The following LYRM4 variants were observed in gnomAD, a reference collection of about 807,000 sequenced individuals.
LYRM4 encodes LYR motif-containing protein 4.
Under a neutral mutation model 11.7 loss-of-function variants are expected in LYRM4, and 9 were observed. The observed-to-expected ratio is 0.77, with a 90% CI of 0.46 to 1.34. The LOEUF is 1.34. Among genes scored for constraint, LYRM4 ranks in the 40% most tolerant of loss-of-function variants. The pLI is 0.00. For synonymous variants in LYRM4, 42 were observed against 40.4 expected (o/e 1.04, Z -0.15); for missense variants, 133 against 112.5 (o/e 1.18, Z -0.82).
At chr6:5,138,085 G>T (rs1027845919) in intron 2 of LYRM4, among the ~76,000 whole-genome samples, 1 of 152,122 alleles carries the variant, frequency 6.6e-6, no homozygotes, top group Non-Finnish European at 1.5e-5. Flanking sequence ...AGGTCAAAAA[G>T]GATTCTATAA....
chr6:5,255,500 C>A lies in LYRM4; in HGVS notation c.86+5148G>T, dbSNP rs112849053. Among the ~76,000 whole-genome samples the A allele has an allele frequency of 4.5e-3, 684 of 151,242 alleles. 2 individuals carry two copies. The highest frequency in any genetic ancestry group is 0.015 in the African/African-American group (637 of 41,222). The stretch of plus-strand genomic sequence containing the variant: ...ACTTTAAAATAGGTGTTTTTAAAAG[C>A]TTTTTTTTTCTAATATGATAAATGC... On this transcript the variant is annotated intron_variant, in intron 1 of 2. Coordinates refer to ENST00000330636, the MANE Select transcript of LYRM4 (RefSeq NM_020408.6).
chr6:5,125,764 G>C (rs747571544), intron 2 of LYRM4, among the ~76,000 whole-genome samples: 32 of 152,210 alleles, frequency 2.1e-4, no homozygotes, highest in Non-Finnish European at 8.8e-5. Flanking sequence ...AACCTTGAAG[G>C]CTTTGATGAT....
chr6:5,136,240 G>A (rs532547182), intron 2 of LYRM4: 1 of 960,074 alleles, frequency 1.0e-6, no homozygotes, highest in Non-Finnish European at 1.2e-6. Flanking sequence ...CAGTTCTCTG[G>A]GGTATATACT....
the LYRM4 span, among the ~76,000 whole-genome samples, chr6:5,091,330 G>A: frequency 3.3e-5 from 5 of 152,190 alleles, no homozygotes; most frequent in Admixed American, 6.5e-5. Flanking sequence ...GGGACACACT[G>A]TTTTTTGCTT....
At chr6:5,107,506 C>T (rs1762697046), downstream of LYRM4, 1 of 152,248 alleles carries the variant, frequency 6.6e-6, no homozygotes, top group Admixed American at 6.5e-5. Context: ...AAACCTGAGC[C>T]AGAGCCACAC....
intron 2 of LYRM4, among the ~76,000 whole-genome samples, chr6:5,122,656 T>C (rs745352631): frequency 3.9e-5 from 6 of 152,200 alleles, no homozygotes; most frequent in Non-Finnish European, 7.3e-5. Flanking sequence ...AAGTTTCTCT[T>C]GGACAGTCCC....
At chr6:5,214,905 T>C (rs2127721688) in intron 2 of LYRM4, among the ~76,000 whole-genome samples, 1 of 151,680 alleles carries the variant, frequency 6.6e-6, no homozygotes, top group Admixed American at 6.7e-5. Flanking sequence ...GGTCGCCGTG[T>C]GTATTCTCCA....
At chr6:5,253,634 C>T (rs566393992) in intron 1 of LYRM4, among the ~76,000 whole-genome samples, 10 of 152,088 alleles carry the variant, frequency 6.6e-5, no homozygotes, top group African/African-American at 2.2e-4. Context: ...GCAAAGGAGA[C>T]GAGAGCCTTG....
chr6:5,181,904 A>G (rs1292098490), intron 2 of LYRM4, among the ~76,000 whole-genome samples: 1 of 152,132 alleles, frequency 6.6e-6, no homozygotes, highest in Non-Finnish European at 1.5e-5. Flanking sequence ...TAGAAGACAC[A>G]ATGCTAGCAT....
chr6:5,144,064 T>C (rs1325289161), intron 2 of LYRM4: 4 of 1,472,918 alleles, frequency 2.7e-6, no homozygotes, highest in East Asian at 2.5e-5. Flanking sequence ...AGCTGCTTCA[T>C]ACTCCAGAAA....
At chr6:5,065,845 T>G in the LYRM4 span, 3 of 292,746 alleles carry the variant, frequency 1.0e-5, no homozygotes, top group African/African-American at 6.7e-5. Flanking sequence ...GCACAATCTT[T>G]GGAACACTAT....
intron 1 of LYRM4, 129 bp downstream of exon 1, chr6:5,260,519 G>A (rs990094468): frequency 4.7e-6 from 6 of 1,273,410 alleles, no homozygotes; most frequent in African/African-American, 1.5e-5. Flanking sequence ...GGCGGAGCCC[G>A]GTCCTTGCCT....
chr6:5,132,546 C>T (rs952733022), intron 2 of LYRM4, among the ~76,000 whole-genome samples: 2 of 152,208 alleles, frequency 1.3e-5, no homozygotes, highest in African/African-American at 4.8e-5. Flanking sequence ...CTACAAAAGG[C>T]TGAGAGTGAA....
chr6:5,154,509 T>A (rs1758274005), intron 2 of LYRM4, among the ~76,000 whole-genome samples: 1 of 152,034 alleles, frequency 6.6e-6, no homozygotes, highest in Admixed American at 6.5e-5. Context: ...CAACACCTCA[T>A]ACAGATTAAA....
At chr6:5,192,139 T>C (rs1760791305) in intron 2 of LYRM4, among the ~76,000 whole-genome samples, 1 of 152,164 alleles carries the variant, frequency 6.6e-6, no homozygotes, top group South Asian at 2.1e-4. Context: ...GGCAGTGGGC[T>C]TATAATCCAC....
chr6:5,229,351 A>C (rs115382122), intron 1 of LYRM4, among the ~76,000 whole-genome samples: 4,099 of 152,292 alleles, frequency 0.027, 89 homozygotes, highest in Non-Finnish European at 0.043. Context: ...TGGTGGTACC[A>C]ATTTGCCAAA....
chr6:5,158,991 A>C (rs2746242), intron 2 of LYRM4, among the ~76,000 whole-genome samples: 9,242 of 152,286 alleles, frequency 0.061, 447 homozygotes, highest in African/African-American at 0.12. Flanking sequence ...CAGGTTCTGA[A>C]GGTGGACCTC....
chr6:5,031,863 A>G, the LYRM4 span: 22 of 152,286 alleles, frequency 1.4e-4, no homozygotes, highest in East Asian at 4.2e-3. Flanking sequence ...GTAGAGTGCA[A>G]ATGACATAGC....
chr6:5,080,826 A>G, the LYRM4 span, among the ~76,000 whole-genome samples: 1 of 152,158 alleles, frequency 6.6e-6, no homozygotes, highest in Non-Finnish European at 1.5e-5. Context: ...AATGACTTCA[A>G]CTGAATTGTT....
Sources: allele counts gnomAD v4.1 joint callset (sites outside exome capture counted in the v4.1 genomes callset), GRCh38; gene constraint gnomAD v4.1.1; transcripts MANE v1.5; gene names NCBI Gene and HGNC (gene_info 2026-07-23, HGNC 2026-07-21).